NEK11: variants seen among roughly 807,000 people sequenced by gnomAD.
The protein encoded by NEK11 is serine/threonine-protein kinase Nek11.
Under a neutral mutation model 80.7 loss-of-function variants are expected in NEK11, and 72 were observed. That is an observed-to-expected ratio of 0.89 (90% confidence interval 0.74 to 1.08). NEK11 has a LOEUF of 1.08. Among genes scored for constraint, NEK11 ranks in the 50% least tolerant of loss-of-function variants. The probability of loss-of-function intolerance (pLI) is 0.00; values close to 1 mark genes in which losing one functional copy is unlikely to be tolerated. For synonymous variants in NEK11, 251 were observed against 260.7 expected, an observed-to-expected ratio of 0.96 and a Z score of 0.36; for missense variants, 764 against 763.6, an observed-to-expected ratio of 1.00 and a Z score of -0.01.
At chr3:131,034,694 A>C (rs371167994) in intron 3 of NEK11, among the ~76,000 whole-genome samples, 1 of 152,176 alleles carries the variant, frequency 6.6e-6, no homozygotes, top group Non-Finnish European at 1.5e-5. Context: ...GCCACAATTT[A>C]AATATTAGAC....
intron 4 of NEK11, among the ~76,000 whole-genome samples, chr3:131,097,010 T>G (rs1428934994): frequency 6.6e-6 from 1 of 151,584 alleles, no homozygotes; most frequent in Non-Finnish European, 1.5e-5. Context: ...CTTGCGATAG[T>G]TTACTGAGAA....
chr3:131,178,412 A>G (rs2093160173), intron 14 of NEK11, among the ~76,000 whole-genome samples: 1 of 152,216 alleles, frequency 6.6e-6, no homozygotes, highest in Non-Finnish European at 1.5e-5. Context: ...ACACAAACAC[A>G]TTGTACAGCT....
intron 14 of NEK11, among the ~76,000 whole-genome samples, chr3:131,212,527 T>C (rs577147345): frequency 2.0e-4 from 30 of 148,616 alleles, no homozygotes; most frequent in Non-Finnish European, 3.5e-4. Flanking sequence ...CAAAGCTCAG[T>C]TGGAAATGCA....
intron 3 of NEK11, among the ~76,000 whole-genome samples, chr3:131,043,218 C>T (rs1296499404): frequency 6.6e-6 from 1 of 152,218 alleles, no homozygotes; most frequent in Non-Finnish European, 1.5e-5. Context: ...CAAAGGATCA[C>T]AACTCCTCGC....
chr3:131,156,130 G>A (rs1043717005), intron 10 of NEK11, among the ~76,000 whole-genome samples: 37 of 152,152 alleles, frequency 2.4e-4, no homozygotes, highest in Non-Finnish European at 5.0e-4. Flanking sequence ...CAGTGTTCTA[G>A]AATCCAGTTG....
At chr3:131,243,583 G>C (rs1369178910) in intron 16 of NEK11, 87 bp downstream of exon 16, 6 of 1,141,048 alleles carry the variant, frequency 5.3e-6, no homozygotes, top group Non-Finnish European at 7.9e-6. Context: ...AGGTGTTTAA[G>C]TCTGATATCT....
intron 14 of NEK11, chr3:131,174,736 T>C: frequency 1.3e-6 from 2 of 1,599,434 alleles, no homozygotes; most frequent in Non-Finnish European, 1.7e-6. Context: ...TTCTTTGTAC[T>C]CTAGCATTTG....
intron 3 of NEK11, among the ~76,000 whole-genome samples, chr3:131,076,747 T>C (rs574227494): frequency 6.6e-6 from 1 of 152,332 alleles, no homozygotes; most frequent in African/African-American, 2.4e-5. Flanking sequence ...ATAGCATTCA[T>C]TGCAATTTGA....
chr3:131,348,230 G>T (rs1318766213), intron 17 of NEK11, among the ~76,000 whole-genome samples: 2 of 152,084 alleles, frequency 1.3e-5, no homozygotes, highest in Non-Finnish European at 2.9e-5. Context: ...AATATCTAAA[G>T]ATGAGGTATT....
At position 131,321,149 on chromosome 3, in the gene NEK11, C is replaced by G. The variant is rs1021523785; in HGVS notation, c.1719-28408C>G. 5.9e-5 allele frequency among the ~76,000 whole-genome samples: 9 copies of G among 152,244 alleles called. 2 individuals are homozygous for G. Among genetic ancestry groups the G allele is most frequent in the Admixed American group, 5.9e-4 (9 of 15,284 alleles). On this transcript the variant is annotated intron_variant, in intron 17 of 17. Transcript: ENST00000383366. ...AAACAGCATGATACTGGTACAAAAA[C>G]AGACACATAGACCAATGGAACAGAA...
chr3:131,066,609 T>G (rs2072011116), intron 3 of NEK11, among the ~76,000 whole-genome samples: 1 of 151,836 alleles, frequency 6.6e-6, no homozygotes, highest in Non-Finnish European at 1.5e-5. Context: ...CAAGGCGGGC[T>G]GATCACTTGA....
chr3:131,285,384 G>C (rs902748151), intron 17 of NEK11, among the ~76,000 whole-genome samples: 9 of 152,200 alleles, frequency 5.9e-5, no homozygotes, highest in African/African-American at 1.9e-4. Context: ...AGTTCATTGA[G>C]GGGGCTGAGC....
chr3:131,285,411 T>C (rs1056464068), intron 17 of NEK11, among the ~76,000 whole-genome samples: 5 of 152,208 alleles, frequency 3.3e-5, no homozygotes, highest in African/African-American at 9.6e-5. Flanking sequence ...GCCCTGCGTC[T>C]ACCAGTCACT....
At chr3:131,236,219 A>C (rs1444147567) in intron 15 of NEK11, among the ~76,000 whole-genome samples, 2 of 152,174 alleles carry the variant, frequency 1.3e-5, no homozygotes, top group Non-Finnish European at 2.9e-5. Context: ...AATAAAGAGC[A>C]AGTGGAAGGA....
intron 17 of NEK11, among the ~76,000 whole-genome samples, chr3:131,289,835 A>T (rs1351597305): frequency 2.6e-5 from 4 of 152,124 alleles, no homozygotes. Flanking sequence ...GATAAGACAA[A>T]CCCAGTGCTA....
chr3:131,296,293 C>T (rs1203268171), intron 17 of NEK11, among the ~76,000 whole-genome samples: 1 of 152,148 alleles, frequency 6.6e-6, no homozygotes, highest in Non-Finnish European at 1.5e-5. Flanking sequence ...TGTACACACA[C>T]ACATGCACAC....
chr3:131,245,427 TTGATATAA>T (rs147931834), intron 16 of NEK11, among the ~76,000 whole-genome samples: 2,699 of 152,188 alleles, frequency 0.018, 77 homozygotes, highest in African/African-American at 0.061. Context: ...AGGTATCTTT[TTGATATAA>T]TGATATAATG....
chr3:131,341,753 CTAA>C (rs2097290847), intron 17 of NEK11, among the ~76,000 whole-genome samples: 1 of 151,978 alleles, frequency 6.6e-6, no homozygotes. Context: ...TTCTTTATCT[CTAA>C]TAATGCTTTT....
At chr3:131,234,576 G>A (rs1428272092) in intron 15 of NEK11, among the ~76,000 whole-genome samples, 2 of 152,108 alleles carry the variant, frequency 1.3e-5, no homozygotes, top group Non-Finnish European at 2.9e-5. Context: ...TGGGCCTTCT[G>A]TAGACTGTGT....
Sources: allele counts gnomAD v4.1 joint callset (sites outside exome capture counted in the v4.1 genomes callset), GRCh38; gene constraint gnomAD v4.1.1; transcripts MANE v1.5; gene names NCBI Gene and HGNC (gene_info 2026-07-23, HGNC 2026-07-21).